The following STARD13 variants were observed in gnomAD, a reference collection of about 807,000 sequenced individuals.
The protein encoded by STARD13 is StAR related lipid transfer domain containing 13.
In STARD13, 62 loss-of-function variants were observed where a neutral mutation model predicts 106.4. The ratio of observed to expected loss-of-function variants is 0.58; its 90% CI spans 0.48 to 0.72. STARD13 has a LOEUF of 0.72. STARD13 is among the 30% of genes least tolerant of loss of function. The pLI is 0.00. For missense variants in STARD13, 1,387 were observed against 1,424.0 expected (o/e 0.97, Z 0.42); for synonymous variants, 565 against 553.0 (o/e 1.02, Z -0.31).
chr13:33,113,403 C>A, intron 8 of STARD13: 1 of 429,056 alleles, frequency 2.3e-6, no homozygotes, highest in South Asian at 1.7e-5. Flanking sequence ...GAACAGTAGC[C>A]TCGCCTTGCG....
At chr13:33,549,762 T>C in the STARD13 span, among the ~76,000 whole-genome samples, 40 of 152,224 alleles carry the variant, frequency 2.6e-4, no homozygotes, top group African/African-American at 9.6e-4. Flanking sequence ...GTGTATTTTT[T>C]TGTATATGTA....
intron 3 of STARD13, among the ~76,000 whole-genome samples, chr13:33,162,177 A>G (rs1344476561): frequency 6.6e-6 from 1 of 152,212 alleles, no homozygotes; most frequent in Non-Finnish European, 1.5e-5. Context: ...GCATTAACCC[A>G]AAAGTCCATA....
chr13:33,477,549 G>T, the STARD13 span, among the ~76,000 whole-genome samples: 1 of 152,170 alleles, frequency 6.6e-6, no homozygotes, highest in Non-Finnish European at 1.5e-5. Context: ...TGGTCAAGAA[G>T]ACCCCAGAAA....
At chr13:33,443,280 G>C in the STARD13 span, among the ~76,000 whole-genome samples, 1 of 151,960 alleles carries the variant, frequency 6.6e-6, no homozygotes, top group African/African-American at 2.4e-5. Flanking sequence ...GGGAGGCTGA[G>C]GCAGGAGAAT....
intron 1 of STARD13, among the ~76,000 whole-genome samples, chr13:33,325,047 CAT>C (rs71071091): frequency 9.3e-5 from 14 of 150,686 alleles, no homozygotes; most frequent in Admixed American, 6.6e-5. Flanking sequence ...TGCATGTGTG[CAT>C]ATATATATAT....
At chr13:33,400,962 TC>T in the STARD13 span, among the ~76,000 whole-genome samples, 7 of 152,160 alleles carry the variant, frequency 4.6e-5, no homozygotes, top group South Asian at 2.1e-4. Context: ...TTAACAGGGC[TC>T]CCACTGGCAA....
the STARD13 span, among the ~76,000 whole-genome samples, chr13:33,649,837 C>T: frequency 1.3e-5 from 2 of 152,104 alleles, no homozygotes; most frequent in African/African-American, 2.4e-5. Context: ...ACTTTAAAGA[C>T]AGTTGGAAGC....
At chr13:33,556,617 A>C in the STARD13 span, among the ~76,000 whole-genome samples, 95 of 152,226 alleles carry the variant, frequency 6.2e-4, no homozygotes, top group Admixed American at 6.1e-3. Flanking sequence ...TTCTATTCCT[A>C]TTCTAAAACT....
chr13:33,425,901 C>A, the STARD13 span, among the ~76,000 whole-genome samples: 1 of 152,164 alleles, frequency 6.6e-6, no homozygotes, highest in South Asian at 2.1e-4. Flanking sequence ...TCCGAAGTAA[C>A]CTGCATTTGT....
At chr13:33,380,389 T>C in the STARD13 span, among the ~76,000 whole-genome samples, 1 of 140,216 alleles carries the variant, frequency 7.1e-6, no homozygotes, top group African/African-American at 2.7e-5. Context: ...CACTCCAGCC[T>C]GGGCAACTGA....
the STARD13 span, among the ~76,000 whole-genome samples, chr13:33,609,039 T>C: frequency 7.0e-6 from 1 of 143,738 alleles, no homozygotes. Context: ...TGAGCCGAGA[T>C]TGCGCCACTG....
chr13:33,241,990 C>T (rs1019549070), intron 1 of STARD13, among the ~76,000 whole-genome samples: 4 of 151,622 alleles, frequency 2.6e-5, no homozygotes, highest in Non-Finnish European at 4.4e-5. Flanking sequence ...AGCGTCTCTG[C>T]CTGGCCGCCC....
chr13:33,364,799 G>A, the STARD13 span, among the ~76,000 whole-genome samples: 1 of 152,228 alleles, frequency 6.6e-6, no homozygotes, highest in Non-Finnish European at 1.5e-5. Context: ...TGAGGCAGGA[G>A]AATGGCGTGA....
intron 1 of STARD13, among the ~76,000 whole-genome samples, chr13:33,317,264 C>T (rs1893376851): frequency 6.6e-6 from 1 of 152,274 alleles, no homozygotes; most frequent in South Asian, 2.1e-4. Flanking sequence ...TGTGCCCATC[C>T]AACCCAACAT....
chr13:33,408,627 C>A, the STARD13 span, among the ~76,000 whole-genome samples: 1 of 152,086 alleles, frequency 6.6e-6, no homozygotes, highest in Admixed American at 6.5e-5. Context: ...CACAAAGGTA[C>A]AACAATGTAT....
chr13:33,520,237 G>T, the STARD13 span: 2 of 152,148 alleles, frequency 1.3e-5, no homozygotes, highest in African/African-American at 4.8e-5. Flanking sequence ...GGAGAAATAT[G>T]TTTGTCTGGT....
intron 1 of STARD13, among the ~76,000 whole-genome samples, chr13:33,295,758 T>G (rs892598274): frequency 3.3e-5 from 5 of 152,106 alleles, no homozygotes; most frequent in African/African-American, 9.7e-5. Context: ...GTATTCTGCA[T>G]GGCAGAAAGG....
At chr13:33,360,525 T>G in the STARD13 span, among the ~76,000 whole-genome samples, 1 of 151,794 alleles carries the variant, frequency 6.6e-6, no homozygotes, top group East Asian at 2.0e-4. Flanking sequence ...TTTTTAAATT[T>G]TAAGTGTCTT....
At chr13:33,174,992 G>A (rs1405583211) in intron 1 of STARD13, among the ~76,000 whole-genome samples, 4 of 152,196 alleles carry the variant, frequency 2.6e-5, no homozygotes, top group African/African-American at 9.7e-5. Flanking sequence ...TCCGTTGCAA[G>A]TGAATGAGGA....
Sources: allele counts gnomAD v4.1 joint callset (sites outside exome capture counted in the v4.1 genomes callset), GRCh38; gene constraint gnomAD v4.1.1; transcripts MANE v1.5; gene names NCBI Gene and HGNC (gene_info 2026-07-23, HGNC 2026-07-21).